ANKRD33B: variants seen among roughly 807,000 people sequenced by gnomAD.
The protein encoded by ANKRD33B is ankyrin repeat domain 33B, also known as ankyrin repeat domain-containing protein 33B.
A neutral mutation model predicts 21.5 loss-of-function variants in ANKRD33B; 6 were observed. The ratio of observed to expected loss-of-function variants is 0.28; its 90% CI spans 0.15 to 0.55. ANKRD33B has a LOEUF of 0.55. Ranked by LOEUF, ANKRD33B falls within the 20% of genes least tolerant of loss-of-function variation. The probability of loss-of-function intolerance (pLI) is 0.94; values close to 1 mark genes in which losing one functional copy is unlikely to be tolerated. For synonymous variants in ANKRD33B, 347 were observed against 342.4 expected (o/e 1.01, Z -0.15); for missense variants, 698 against 747.2 (o/e 0.93, Z 0.77).
At chr5:10,602,898 G>A (rs1416993709) in intron 1 of ANKRD33B, among the ~76,000 whole-genome samples, 2 of 150,012 alleles carry the variant, frequency 1.3e-5, no homozygotes, top group Admixed American at 1.3e-4. Flanking sequence ...CTGCAGACTT[G>A]ACCTCCCAAA....
At chr5:10,638,737 G>A (rs2126600979) in intron 3 of ANKRD33B, among the ~76,000 whole-genome samples, 1 of 152,334 alleles carries the variant, frequency 6.6e-6, no homozygotes, top group Admixed American at 6.5e-5. Context: ...GTTAGAAGGC[G>A]ATGTGGAGTT....
At chr5:10,588,151 A>G (rs1735609288) in intron 1 of ANKRD33B, among the ~76,000 whole-genome samples, 1 of 152,246 alleles carries the variant, frequency 6.6e-6, no homozygotes. Context: ...AGATAACATA[A>G]AAAGGTAAAA....
At chr5:10,566,921 C>T (rs1560957767) in intron 1 of ANKRD33B, among the ~76,000 whole-genome samples, 1 of 152,236 alleles carries the variant, frequency 6.6e-6, no homozygotes, top group African/African-American at 2.4e-5. Context: ...GTTTCTCATT[C>T]GTCTGCCTTC....
intron 1 of ANKRD33B, among the ~76,000 whole-genome samples, chr5:10,607,309 C>T (rs1053636337): frequency 6.6e-6 from 1 of 152,204 alleles, no homozygotes; most frequent in Admixed American, 6.5e-5. Flanking sequence ...TCTCTCTGCC[C>T]TCACTCCGGA....
At chr5:10,622,794 C>CTTTTTTTTT (rs1436392852) in intron 2 of ANKRD33B, among the ~76,000 whole-genome samples, 5 of 78,604 alleles carry the variant, frequency 6.4e-5, no homozygotes, top group African/African-American at 2.2e-4. Flanking sequence ...TTTGTTTTTG[C>CTTTTTTTTT]TTTATTTTAT....
chr5:10,568,503 G>A (rs905642474), intron 1 of ANKRD33B, among the ~76,000 whole-genome samples: 2 of 152,202 alleles, frequency 1.3e-5, no homozygotes, highest in African/African-American at 4.8e-5. Context: ...TTAAAATACT[G>A]CACTCCTGTC....
intron 1 of ANKRD33B, among the ~76,000 whole-genome samples, chr5:10,608,673 A>AC (rs1167286709): frequency 1.3e-5 from 2 of 152,142 alleles, no homozygotes; most frequent in African/African-American, 4.8e-5. Context: ...AAAAAAAAAA[A>AC]AACTTGAAAC....
chr5:10,643,793 C>A (rs1737120707), intron 3 of ANKRD33B, among the ~76,000 whole-genome samples: 2 of 136,448 alleles, frequency 1.5e-5, no homozygotes, highest in African/African-American at 5.4e-5. Flanking sequence ...GTATTCCAGC[C>A]TAGGCAACAG....
intron 2 of ANKRD33B, chr5:10,627,381 C>T (rs1736577760): frequency 6.6e-6 from 1 of 152,204 alleles, no homozygotes; most frequent in Non-Finnish European, 1.5e-5. Flanking sequence ...GCACGTGAAG[C>T]TTGTTTTGGG....
At chr5:10,623,181 G>A (rs1421434914) in intron 2 of ANKRD33B, among the ~76,000 whole-genome samples, 1 of 152,194 alleles carries the variant, frequency 6.6e-6, no homozygotes, top group Non-Finnish European at 1.5e-5. Context: ...CATGTGCCTG[G>A]AGTGTTGAAA....
chr5:10,654,961 T>A lies in ANKRD33B; in HGVS notation c.*4848T>A, dbSNP rs772787401. 2 of 152,436 alleles carry A rather than the reference T, an allele frequency of 1.3e-5. No individual in the cohort carries two copies. The highest frequency in any genetic ancestry group is 2.4e-5 in the African/African-American group (1 of 41,458). 9.4% of individuals were successfully genotyped at this position (152,436 alleles called of 1,614,324 possible). A position where few individuals can be genotyped will look rare whatever the true frequency, so the allele number is the denominator to read the frequency against. On this transcript the variant is annotated 3_prime_UTR_variant, in exon 4 of 4. Coordinates refer to ENST00000296657, the MANE Select transcript of ANKRD33B (RefSeq NM_001164440.2). ...GCCGCACTTGGGAACATCGTGGACA[T>A]CTTCCTTCCTCTCAGGCTCCTCCTG... is the stretch of plus-strand genomic sequence containing the variant.
chr5:10,584,713 A>G (rs1388230660), intron 1 of ANKRD33B, among the ~76,000 whole-genome samples: 2 of 152,242 alleles, frequency 1.3e-5, no homozygotes, highest in Non-Finnish European at 2.9e-5. Context: ...ACAGAATGCC[A>G]GACAGAAATG....
In ANKRD33B at chr5:10,656,503, T is replaced by C. The variant is rs1454879301; in HGVS notation, c.*6390T>C. On this transcript the variant is annotated 3_prime_UTR_variant, in exon 4 of 4. Coordinates refer to ENST00000296657, the MANE Select transcript of ANKRD33B (RefSeq NM_001164440.2). ...GCTGGCAAAGGTTACGATGCTGCTG[T>C]AGCTTGGCTGTGGGCCCCAGGCAGT... 2.0e-5 allele frequency: 3 copies of C among 152,600 alleles called. No individual in the cohort carries two copies. The highest frequency in any genetic ancestry group is 4.4e-5 in the Non-Finnish European group (3 of 68,232). 9.5% of individuals were successfully genotyped at this position (152,600 alleles called of 1,614,324 possible). A position where few individuals can be genotyped will look rare whatever the true frequency, so the allele number is the denominator to read the frequency against.
At chr5:10,618,283 A>G (rs1044896068) in intron 1 of ANKRD33B, 50 bp from the exon 2 acceptor site, 29 of 1,535,380 alleles carry the variant, frequency 1.9e-5, no homozygotes, top group Non-Finnish European at 2.4e-5. Flanking sequence ...GTGCTGACCC[A>G]CCATGCTCCG....
chr5:10,578,917 G>C (rs980031696), intron 1 of ANKRD33B, among the ~76,000 whole-genome samples: 3 of 151,994 alleles, frequency 2.0e-5, no homozygotes, highest in Non-Finnish European at 2.9e-5. Flanking sequence ...ATCCCCCAGC[G>C]CTTGGAGGGG....
chr5:10,608,444 C>T (rs1030143355), intron 1 of ANKRD33B, among the ~76,000 whole-genome samples: 1 of 151,434 alleles, frequency 6.6e-6, no homozygotes, highest in Non-Finnish European at 1.5e-5. Context: ...GCTGCAGTAG[C>T]GAATCAGGAT....
intron 1 of ANKRD33B, among the ~76,000 whole-genome samples, chr5:10,587,008 A>T (rs879697132): frequency 2.6e-4 from 39 of 151,500 alleles, no homozygotes; most frequent in Non-Finnish European, 4.6e-4. Flanking sequence ...TTTATTTATT[A>T]TTTATTTATT....
At chr5:10,641,225 CTT>C (rs772445527) in intron 3 of ANKRD33B, among the ~76,000 whole-genome samples, 2 of 77,448 alleles carry the variant, frequency 2.6e-5, no homozygotes, top group Middle Eastern at 9.4e-3. Context: ...TCTTCTTCTT[CTT>C]TTTTTTTTTT....
rs1314676767 is a variant in ANKRD33B, at chr5:10,576,203, T to C, written c.366+11370T>C. Reference sequence around the variant, plus strand: ...AGCTGCACGCATGACCTTTTTCCTGTAGCCTTGTTTCCATGAATCGATTGA... The same window carrying C: ...AGCTGCACGCATGACCTTTTTCCTGCAGCCTTGTTTCCATGAATCGATTGA... On this transcript the variant is annotated intron_variant, in intron 1 of 3. Coordinates refer to ENST00000296657, the MANE Select transcript of ANKRD33B (RefSeq NM_001164440.2). This position sits in a 1 kb window ranked among gnomAD's most constrained non-coding sequence, Gnocchi z 4.1. Among the ~76,000 whole-genome samples, 1 of 152,222 alleles carries C rather than the reference T, an allele frequency of 6.6e-6. No individual in the cohort carries two copies. The highest frequency in any genetic ancestry group is 1.5e-5 in the Non-Finnish European group (1 of 68,044).
Sources: allele counts gnomAD v4.1 joint callset (sites outside exome capture counted in the v4.1 genomes callset), GRCh38; gene constraint gnomAD v4.1.1; non-coding constraint Gnocchi (gnomAD v3.1); transcripts MANE v1.5; gene names NCBI Gene and HGNC (gene_info 2026-07-23, HGNC 2026-07-21).